RBM20: variants seen among roughly 807,000 people sequenced by gnomAD.
RBM20 encodes RNA binding motif protein 20.
RBM20 carries 51 observed loss-of-function variants against 110.1 expected under a neutral mutation model. The ratio of observed to expected loss-of-function variants is 0.46; its 90% CI spans 0.37 to 0.59. The LOEUF (loss-of-function observed/expected upper bound fraction) is 0.59. RBM20 is among the 20% of genes least tolerant of loss of function. The pLI, the probability that RBM20 is intolerant of heterozygous loss-of-function variation, is 0.00. For synonymous variants in RBM20, 589 were observed against 618.2 expected (o/e 0.95, Z 0.70); for missense variants, 1,512 against 1,574.9 (o/e 0.96, Z 0.68).
At chr10:110,689,116 T>C (rs970111262) in intron 1 of RBM20, among the ~76,000 whole-genome samples, 3 of 152,246 alleles carry the variant, frequency 2.0e-5, no homozygotes, top group African/African-American at 7.2e-5. Context: ...GTACCCTTTA[T>C]TCCGTTTCCC....
chr10:110,838,200 T>A lies in RBM20; in HGVS notation c.*2222T>A, dbSNP rs1303261668. On this transcript the variant is annotated 3_prime_UTR_variant, in exon 14 of 14. Coordinates refer to ENST00000369519, the MANE Select transcript of RBM20 (RefSeq NM_001134363.3). Reference sequence around the variant, plus strand: ...TCCTCCGCTCAGCTCATGGGAACACTCATTCTATTTTATAGAATGACATGT... The same window carrying A: ...TCCTCCGCTCAGCTCATGGGAACACACATTCTATTTTATAGAATGACATGT... The A allele has an allele frequency of 6.6e-6, 1 of 152,226 alleles. No homozygotes were observed. Among genetic ancestry groups the A allele is most frequent in the Admixed American group, 6.5e-5 (1 of 15,288 alleles). 9.4% of individuals were successfully genotyped at this position (152,226 alleles called of 1,614,324 possible).
intron 1 of RBM20, among the ~76,000 whole-genome samples, chr10:110,647,527 T>C (rs1006239656): frequency 4.6e-5 from 7 of 152,178 alleles, no homozygotes; most frequent in Admixed American, 1.3e-4. Context: ...TTATTGTATA[T>C]AAAACACGAT....
Position 110,763,216 on chromosome 10 carries a change from T to C in RBM20, c.192-17585T>C, listed in dbSNP as rs181328066. Among the ~76,000 whole-genome samples, 617 of 152,188 alleles carry C rather than the reference T, an allele frequency of 4.1e-3. 5 individuals are homozygous for C. The highest frequency in any genetic ancestry group is 0.014 in the African/African-American group (587 of 41,508). On this transcript the variant is annotated intron_variant, in intron 1 of 13. Transcript: ENST00000369519. ...TCCGACTGGCTTTCACTTTGGTTTT[T>C]CAGTGCGACTATAGAAACGTCACAC...
chr10:110,712,398 C>T (rs570237029), intron 1 of RBM20, among the ~76,000 whole-genome samples: 4 of 152,328 alleles, frequency 2.6e-5, no homozygotes, highest in African/African-American at 9.6e-5. Flanking sequence ...AATTTAATAG[C>T]TACTGCCATA....
At chr10:110,765,240 C>G (rs1316974306) in intron 1 of RBM20, among the ~76,000 whole-genome samples, 1 of 152,022 alleles carries the variant, frequency 6.6e-6, no homozygotes, top group Non-Finnish European at 1.5e-5. Flanking sequence ...TGATGGGCAT[C>G]TCTTAAGGGT....
chr10:110,773,319 G>A (rs1219025985), intron 1 of RBM20, among the ~76,000 whole-genome samples: 7 of 152,194 alleles, frequency 4.6e-5, no homozygotes, highest in Non-Finnish European at 1.5e-5. Flanking sequence ...GGAGATGAAG[G>A]TGGGATTGAA....
intron 1 of RBM20, among the ~76,000 whole-genome samples, chr10:110,767,365 A>C (rs1844113823): frequency 7.5e-6 from 1 of 133,032 alleles, no homozygotes. Context: ...TCCCTCCCGG[A>C]CAGGGCGGCT....
intron 9 of RBM20, among the ~76,000 whole-genome samples, chr10:110,816,112 C>T (rs116401152): frequency 0.014 from 2,192 of 152,230 alleles, 56 homozygotes; most frequent in African/African-American, 0.05. Flanking sequence ...CACCAGGCAC[C>T]TCCTGCCCTC....
At chr10:110,774,526 C>A (rs1487074891) in intron 1 of RBM20, among the ~76,000 whole-genome samples, 1 of 151,758 alleles carries the variant, frequency 6.6e-6, no homozygotes, top group Non-Finnish European at 1.5e-5. Flanking sequence ...AGGCGTGTAT[C>A]CGACCACAGC....
At chr10:110,774,682 CTTTT>C (rs933427604) in intron 1 of RBM20, among the ~76,000 whole-genome samples, 3 of 151,844 alleles carry the variant, frequency 2.0e-5, no homozygotes, top group East Asian at 3.9e-4. Flanking sequence ...TTGTTGTTTT[CTTTT>C]TGTTTGTTTT....
chr10:110,751,632 A>G (rs538336113), intron 1 of RBM20, among the ~76,000 whole-genome samples: 1 of 152,340 alleles, frequency 6.6e-6, no homozygotes, highest in African/African-American at 2.4e-5. Context: ...TAACTTCATT[A>G]GACTTCAATT....
intron 1 of RBM20, among the ~76,000 whole-genome samples, chr10:110,759,826 C>T (rs984990209): frequency 6.6e-6 from 1 of 152,226 alleles, no homozygotes; most frequent in African/African-American, 2.4e-5. Context: ...TTTGTACTTA[C>T]ATAGCCCAAG....
chr10:110,805,210 G>C (rs988758102), intron 7 of RBM20, among the ~76,000 whole-genome samples: 1 of 152,194 alleles, frequency 6.6e-6, no homozygotes, highest in African/African-American at 2.4e-5. Context: ...GCTACCAGAA[G>C]TTCCATGGCA....
At chr10:110,679,313 G>T (rs10787265) in intron 1 of RBM20, among the ~76,000 whole-genome samples, 136,789 of 152,140 alleles carry the variant, frequency 0.9, 63,287 homozygotes, top group East Asian at 1. Context: ...GGCCTTGAAC[G>T]CCTCGGCTCA....
intron 1 of RBM20, among the ~76,000 whole-genome samples, chr10:110,719,916 C>T (rs748217409): frequency 2.6e-5 from 4 of 151,876 alleles, no homozygotes; most frequent in African/African-American, 4.8e-5. Context: ...TTATTTTTAA[C>T]GGCTCTGGAG....
At chr10:110,819,772 CCA>C (rs1440671455) in intron 9 of RBM20, among the ~76,000 whole-genome samples, 1 of 152,114 alleles carries the variant, frequency 6.6e-6, no homozygotes, top group Non-Finnish European at 1.5e-5. Context: ...CAAAAAATAC[CCA>C]GTTTGCCAGG....
At chr10:110,667,114 G>A (rs1399661119) in intron 1 of RBM20, among the ~76,000 whole-genome samples, 1 of 152,162 alleles carries the variant, frequency 6.6e-6, no homozygotes, top group Admixed American at 6.5e-5. Context: ...ACCTCATTTG[G>A]CTGTTGTGAG....
intron 9 of RBM20, among the ~76,000 whole-genome samples, chr10:110,818,185 G>T (rs1400634237): frequency 6.6e-6 from 1 of 151,684 alleles, no homozygotes; most frequent in Non-Finnish European, 1.5e-5. Flanking sequence ...CAGTTACTTG[G>T]GAGGCTGAGG....
rs1179881873 is a variant in RBM20 at position 110,644,632 on chromosome 10, C to T, written c.178C>T (p.Gln60Ter). ...PPPPPQAGLP[Q>*]IIQNAAKLLD... ...GCCCCCGCCCCAAGCCGGCCTACCCCAGATCATCCAAAAGTAAGAAGGGAG... is the reference window on the plus strand; with the variant it reads ...GCCCCCGCCCCAAGCCGGCCTACCCTAGATCATCCAAAAGTAAGAAGGGAG... The change falls in exon 1 of 14, where the codon CAG becomes TAG. Residue 60 changes from glutamine to a stop codon, truncating the protein, a stop_gained. Coordinates refer to ENST00000369519, the MANE Select transcript of RBM20 (RefSeq NM_001134363.3). LOFTEE classifies it high-confidence loss of function. This position sits in a 1 kb window ranked among gnomAD's most constrained non-coding sequence, Gnocchi z 4.3. 6.6e-7 allele frequency: 1 copy of T among 1,509,042 alleles called. No homozygotes were observed. Among genetic ancestry groups the T allele is most frequent in the Non-Finnish European group, 8.8e-7 (1 of 1,132,990 alleles). 93.5% of individuals were successfully genotyped at this position (1,509,042 alleles called of 1,614,324 possible).
Sources: allele counts gnomAD v4.1 joint callset (sites outside exome capture counted in the v4.1 genomes callset), GRCh38; gene constraint gnomAD v4.1.1; non-coding constraint Gnocchi (gnomAD v3.1); transcripts MANE v1.5; gene names NCBI Gene and HGNC (gene_info 2026-07-23, HGNC 2026-07-21).